RIPOR3: variants seen among roughly 807,000 people sequenced by gnomAD.
RIPOR3 encodes the protein family with sequence similarity 65 member C.
RIPOR3 carries 95 observed loss-of-function variants against 114.3 expected under a neutral mutation model. The observed-to-expected ratio is 0.83, with a 90% CI of 0.70 to 0.99. The LOEUF is 0.99. RIPOR3 is among the 50% of genes least tolerant of loss of function. The pLI, the probability that RIPOR3 is intolerant of heterozygous loss-of-function variation, is 0.00. For synonymous variants in RIPOR3, 575 were observed against 543.8 expected, an observed-to-expected ratio of 1.06 and a Z score of -0.80; for missense variants, 1,252 against 1,266.9, an observed-to-expected ratio of 0.99 and a Z score of 0.18.
In RIPOR3 at chr20:50,691,254, T is replaced by C. The variant is rs1568979961; in HGVS notation, c.-126A>G. 8.2e-7 allele frequency: 1 copy of C among 1,221,182 alleles called. No homozygotes were observed. Among genetic ancestry groups the C allele is most frequent in the East Asian group, 5.8e-5 (1 of 17,388 alleles). 75.6% of individuals were successfully genotyped at this position (1,221,182 alleles called of 1,614,324 possible). A position where few individuals can be genotyped will look rare whatever the true frequency, so the allele number is the denominator to read the frequency against. The stretch of plus-strand genomic sequence containing the variant: ...GACTCCCGGACTCGAGCTAGGGCTC[T>C]GCAAATTCCATCCACACTGGCCACC... On this transcript the variant is annotated 5_prime_UTR_variant, in exon 1 of 22. Coordinates refer to ENST00000327979, the MANE Select transcript of RIPOR3 (RefSeq NM_001290268.2).
chr20:50,620,586 C>G (rs1484714640), intron 2 of RIPOR3, among the ~76,000 whole-genome samples: 1 of 151,832 alleles, frequency 6.6e-6, no homozygotes, highest in Middle Eastern at 3.2e-3. Context: ...GAGATTGCAT[C>G]ACTGCACTCC....
chr20:50,685,995 C>T (rs188486790), intron 1 of RIPOR3, among the ~76,000 whole-genome samples: 66 of 151,944 alleles, frequency 4.3e-4, no homozygotes, highest in African/African-American at 1.3e-3. Context: ...ATTAAAATTA[C>T]GTGACAAAGA....
chr20:50,690,096 A>T (rs866005429), intron 1 of RIPOR3, among the ~76,000 whole-genome samples: 34 of 152,322 alleles, frequency 2.2e-4, no homozygotes, highest in South Asian at 8.3e-4. Flanking sequence ...ATATGCAAAT[A>T]GCTTACGATA....
Position 50,602,079 on chromosome 20 carries a change from C to T in RIPOR3, c.1652G>A (p.Arg551Gln), listed in dbSNP as rs776399232. The stretch of plus-strand genomic sequence containing the variant: ...GGGGCGGGGTGGCCATACCTTCAGC[C>T]GGTCCCGGAAGCCGAGGACCTGGTA... ...LEYQVLGFRD[R>Q]LKPCRARQEH... Residue 551 changes from arginine (R) to glutamine (Q), a missense_variant, in exon 13 of 22, where the codon CGG becomes CAG. Transcript: ENST00000327979. The surrounding 1 kb of genome is among the most constrained non-coding windows in gnomAD (Gnocchi z 4.3). 7.7e-6 allele frequency: 12 copies of T among 1,559,650 alleles called. No individual in the cohort carries two copies. Among genetic ancestry groups the T allele is most frequent in the Non-Finnish European group, 8.7e-6 (10 of 1,153,726 alleles).
Position 50,608,548 on chromosome 20 carries a change from C to T in RIPOR3, c.811-14G>A. ...CAACTCCGTCACCTGGGGGTGGGGG[C>T]TGGAGGGTGGTGTCTGAGCCGAACA... On this transcript the variant is annotated splice_polypyrimidine_tract_variant and intron_variant, in intron 10 of 21. Transcript: ENST00000327979. The T allele has an allele frequency of 6.2e-7, 1 of 1,613,700 alleles. No individual in the cohort carries two copies. Among genetic ancestry groups the T allele is most frequent in the Non-Finnish European group, 8.5e-7 (1 of 1,179,858 alleles).
chr20:50,643,856 G>A (rs1243854069), intron 1 of RIPOR3, among the ~76,000 whole-genome samples: 1 of 151,972 alleles, frequency 6.6e-6, no homozygotes, highest in East Asian at 1.9e-4. Context: ...TGGGACTACA[G>A]GCGCCCGCCA....
chr20:50,613,252 A>G (rs746082793), intron 4 of RIPOR3, among the ~76,000 whole-genome samples: 2 of 152,138 alleles, frequency 1.3e-5, no homozygotes, highest in Non-Finnish European at 2.9e-5. Flanking sequence ...GTTGGAGACC[A>G]GCCTGGCCAA....
Position 50,663,094 on chromosome 20 carries a change from CAA to C in RIPOR3, c.3+28030_3+28031del, listed in dbSNP as rs35856275. 2.3e-3 allele frequency among the ~76,000 whole-genome samples: 161 copies of C among 69,312 alleles called. 1 individual carries two copies. Among genetic ancestry groups the C allele is most frequent in the African/African-American group, 5.2e-3 (97 of 18,802 alleles). 45.5% of individuals were successfully genotyped at this position (69,312 alleles called of 152,430 possible). ...CCCGGGTGACAGAGAGAGACTGTCT[CAA>C]AAAAAAAAAAAAAAAAAAAAGTTTT... On this transcript the variant is annotated intron_variant, in intron 1 of 21. Coordinates refer to ENST00000327979, the MANE Select transcript of RIPOR3 (RefSeq NM_001290268.2).
At chr20:50,642,604 C>G (rs562811233) in intron 1 of RIPOR3, among the ~76,000 whole-genome samples, 7 of 151,782 alleles carry the variant, frequency 4.6e-5, no homozygotes, top group African/African-American at 1.7e-4. Context: ...CCCCTCCCCC[C>G]ATGAGGCCTT....
intron 11 of RIPOR3, among the ~76,000 whole-genome samples, chr20:50,605,410 C>T (rs1214810846): frequency 2.0e-5 from 3 of 152,040 alleles, no homozygotes; most frequent in African/African-American, 7.2e-5. Flanking sequence ...TTTCTCTGAC[C>T]CCAAAGCCTT....
At chr20:50,617,688 C>T (rs543502015) in intron 3 of RIPOR3, among the ~76,000 whole-genome samples, 23 of 144,418 alleles carry the variant, frequency 1.6e-4, no homozygotes, top group South Asian at 6.6e-4. Flanking sequence ...TGCAATAACG[C>T]GATCTTGGCT....
Position 50,594,676 on chromosome 20 carries a change from G to A in RIPOR3, c.2089C>T (p.Leu697=). 1 of 1,613,404 alleles carries A rather than the reference G, an allele frequency of 6.2e-7. No individual in the cohort carries two copies. Among genetic ancestry groups the A allele is most frequent in the East Asian group, 2.2e-5 (1 of 44,868 alleles). The change falls in exon 17 of 22, where the codon CTG becomes TTG. Residue 697 remains leucine, a synonymous_variant. Transcript: ENST00000327979. ...CCAGGCCCTGTGCACCCTCTCCACA[G>A]CTTCAGGCACCCCTTCGTCCGCGAG... ...QASRTKGCLK[L]WRGCTGPGRV...
chr20:50,677,167 G>A (rs1449711744), intron 1 of RIPOR3, among the ~76,000 whole-genome samples: 3 of 152,016 alleles, frequency 2.0e-5, no homozygotes, highest in African/African-American at 7.2e-5. Context: ...CCAAGGCCCT[G>A]GGAATTCGGA....
chr20:50,680,725 A>G (rs1367904380), intron 1 of RIPOR3, among the ~76,000 whole-genome samples: 1 of 152,138 alleles, frequency 6.6e-6, no homozygotes, highest in Non-Finnish European at 1.5e-5. Context: ...ACCAGAGTGG[A>G]CACTTGCTTT....
At chr20:50,689,060 T>C (rs1023437489) in intron 1 of RIPOR3, among the ~76,000 whole-genome samples, 1 of 152,118 alleles carries the variant, frequency 6.6e-6, no homozygotes, top group Non-Finnish European at 1.5e-5. Flanking sequence ...ATGCAGGTGG[T>C]ACCACAGGCC....
At chr20:50,657,164 A>G (rs1315442753) in intron 1 of RIPOR3, among the ~76,000 whole-genome samples, 1 of 152,162 alleles carries the variant, frequency 6.6e-6, no homozygotes, top group Non-Finnish European at 1.5e-5. Context: ...AGGTGGGAGG[A>G]TCACTTGAGC....
At chr20:50,634,183 T>TA (rs2084911697) in intron 1 of RIPOR3, among the ~76,000 whole-genome samples, 1 of 152,026 alleles carries the variant, frequency 6.6e-6, no homozygotes, top group South Asian at 2.1e-4. Context: ...GGTTTCGCCA[T>TA]GTTGTCCAGG....
intron 1 of RIPOR3, among the ~76,000 whole-genome samples, chr20:50,658,672 T>G (rs142149750): frequency 6.6e-6 from 1 of 152,170 alleles, no homozygotes; most frequent in African/African-American, 2.4e-5. Flanking sequence ...CCCACTGCAC[T>G]GCAGCCTGGG....
intron 1 of RIPOR3, among the ~76,000 whole-genome samples, chr20:50,659,145 A>T (rs1227248075): frequency 3.9e-5 from 6 of 152,238 alleles, no homozygotes; most frequent in Admixed American, 3.9e-4. Flanking sequence ...AAAAAAAATA[A>T]TAATGCAGCA....
Sources: allele counts gnomAD v4.1 joint callset (sites outside exome capture counted in the v4.1 genomes callset), GRCh38; gene constraint gnomAD v4.1.1; non-coding constraint Gnocchi (gnomAD v3.1); transcripts MANE v1.5; gene names NCBI Gene and HGNC (gene_info 2026-07-23, HGNC 2026-07-21).